The following DLG2 variants were observed in gnomAD, a reference collection of about 807,000 sequenced individuals.
The protein encoded by DLG2 is discs large MAGUK scaffold protein 2.
A neutral mutation model predicts 132.5 loss-of-function variants in DLG2; 45 were observed. The observed-to-expected ratio is 0.34, with a 90% CI of 0.27 to 0.44. The LOEUF (loss-of-function observed/expected upper bound fraction) is 0.44. Among genes scored for constraint, DLG2 ranks in the 20% least tolerant of loss-of-function variants. The probability of loss-of-function intolerance (pLI) is 1.00; values close to 1 mark genes in which losing one functional copy is unlikely to be tolerated. For missense variants in DLG2, 1,045 were observed against 1,196.9 expected, an observed-to-expected ratio of 0.87 and a Z score of 1.87; for synonymous variants, 424 against 419.6, an observed-to-expected ratio of 1.01 and a Z score of -0.13.
intron 6 of DLG2, among the ~76,000 whole-genome samples, chr11:84,876,696 G>C (rs2086405082): frequency 6.6e-6 from 1 of 152,062 alleles, no homozygotes; most frequent in Admixed American, 6.5e-5. Context: ...GTTCTGCTCT[G>C]ATCTTAGTTA....
At chr11:83,957,964 T>C (rs2154153233) in intron 14 of DLG2, among the ~76,000 whole-genome samples, 1 of 152,324 alleles carries the variant, frequency 6.6e-6, no homozygotes, top group Admixed American at 6.5e-5. Flanking sequence ...CATCACATTA[T>C]CCTATTTTAC....
chr11:85,170,230 G>A (rs530541077), intron 4 of DLG2, among the ~76,000 whole-genome samples: 15 of 152,278 alleles, frequency 9.9e-5, no homozygotes, highest in African/African-American at 3.4e-4. Context: ...ATAGACTGGA[G>A]GGACAGGGGA....
intron 21 of DLG2, among the ~76,000 whole-genome samples, chr11:83,493,776 T>A (rs1341008085): frequency 6.6e-6 from 1 of 152,108 alleles, no homozygotes; most frequent in Non-Finnish European, 1.5e-5. Context: ...AACAAATCAA[T>A]GATCAATGCA....
At chr11:84,459,838 T>A (rs1399550822) in intron 7 of DLG2, among the ~76,000 whole-genome samples, 2 of 150,592 alleles carry the variant, frequency 1.3e-5, no homozygotes, top group African/African-American at 2.4e-5. Context: ...AATTTAACCT[T>A]CTCCCTGAGA....
intron 18 of DLG2, among the ~76,000 whole-genome samples, chr11:83,707,918 CCT>C (rs1164380321): frequency 6.6e-6 from 1 of 152,146 alleles, no homozygotes; most frequent in Non-Finnish European, 1.5e-5. Context: ...GTCATATGGG[CCT>C]GAGTTAGAGT....
At chr11:83,563,151 AT>A (rs1052126229) in intron 19 of DLG2, among the ~76,000 whole-genome samples, 1 of 150,544 alleles carries the variant, frequency 6.6e-6, no homozygotes, top group East Asian at 2.0e-4. Flanking sequence ...ATTTTTTTGT[AT>A]TTTTTTAGTA....
At chr11:85,213,951 G>T (rs1483274125) in intron 4 of DLG2, among the ~76,000 whole-genome samples, 1 of 152,090 alleles carries the variant, frequency 6.6e-6, no homozygotes, top group African/African-American at 2.4e-5. Flanking sequence ...ATTGCCACAG[G>T]CCTCAGTTCA....
chr11:85,370,710 A>C (rs1442956935), intron 3 of DLG2, among the ~76,000 whole-genome samples: 2 of 152,178 alleles, frequency 1.3e-5, no homozygotes, highest in East Asian at 3.9e-4. Flanking sequence ...CTTCAGTTTC[A>C]AAATTGTCTT....
At chr11:84,577,899 G>A (rs946994797) in intron 6 of DLG2, among the ~76,000 whole-genome samples, 1 of 152,094 alleles carries the variant, frequency 6.6e-6, no homozygotes, top group African/African-American at 2.4e-5. Flanking sequence ...AAAGTGGTTT[G>A]GGGGCCAGGC....
intron 6 of DLG2, among the ~76,000 whole-genome samples, chr11:84,743,203 A>C (rs567453817): frequency 2.6e-5 from 4 of 152,174 alleles, no homozygotes; most frequent in Non-Finnish European, 5.9e-5. Flanking sequence ...AAACCAGTAC[A>C]TTGACATTGG....
At chr11:84,237,140 C>T (rs1251845368) in intron 8 of DLG2, among the ~76,000 whole-genome samples, 3 of 151,896 alleles carry the variant, frequency 2.0e-5, no homozygotes, top group Non-Finnish European at 2.9e-5. Flanking sequence ...GTGTTGTCCA[C>T]GATGGTCTCC....
intron 6 of DLG2, among the ~76,000 whole-genome samples, chr11:85,032,958 T>C (rs547598840): frequency 7.2e-5 from 11 of 152,280 alleles, no homozygotes; most frequent in Admixed American, 2.6e-4. Flanking sequence ...CTACCAAACA[T>C]GCCAATAAGT....
At chr11:85,382,158 G>A (rs2085945899) in intron 3 of DLG2, among the ~76,000 whole-genome samples, 1 of 152,088 alleles carries the variant, frequency 6.6e-6, no homozygotes, top group Non-Finnish European at 1.5e-5. Flanking sequence ...GCATGGTACT[G>A]ACATAATAAA....
At chr11:84,379,618 T>C (rs1216948361) in intron 7 of DLG2, among the ~76,000 whole-genome samples, 2 of 152,086 alleles carry the variant, frequency 1.3e-5, no homozygotes, top group African/African-American at 4.8e-5. Flanking sequence ...AAAGAAATGG[T>C]ATTATTAAAC....
intron 6 of DLG2, among the ~76,000 whole-genome samples, chr11:85,048,841 T>C (rs1453122190): frequency 6.6e-6 from 1 of 152,078 alleles, no homozygotes; most frequent in Admixed American, 6.6e-5. Context: ...TATGCATAAA[T>C]GCATTAACAT....
intron 6 of DLG2, among the ~76,000 whole-genome samples, chr11:85,094,539 C>T (rs1486733060): frequency 6.6e-6 from 1 of 152,192 alleles, no homozygotes; most frequent in Non-Finnish European, 1.5e-5. Context: ...TGCTTCTTCA[C>T]CTTGCAGTTT....
At chr11:84,620,686 A>G (rs982939178) in intron 6 of DLG2, among the ~76,000 whole-genome samples, 1 of 152,100 alleles carries the variant, frequency 6.6e-6, no homozygotes, top group Non-Finnish European at 1.5e-5. Flanking sequence ...ATATTTTTGT[A>G]CTTCATAAGT....
chr11:84,704,136 C>G (rs1395351812), intron 6 of DLG2, among the ~76,000 whole-genome samples: 1 of 151,088 alleles, frequency 6.6e-6, no homozygotes. Context: ...GACAAGTCTT[C>G]AGGAAGTTTA....
At chr11:84,884,543 GTGACCAT>G (rs1271354779) in intron 6 of DLG2, among the ~76,000 whole-genome samples, 1 of 152,100 alleles carries the variant, frequency 6.6e-6, no homozygotes, top group African/African-American at 2.4e-5. Flanking sequence ...ACAGTAATGG[GTGACCAT>G]TCAATGTAAC....
Sources: allele counts gnomAD v4.1 joint callset (sites outside exome capture counted in the v4.1 genomes callset), GRCh38; gene constraint gnomAD v4.1.1; transcripts MANE v1.5; gene names NCBI Gene and HGNC (gene_info 2026-07-23, HGNC 2026-07-21).